The following PDE10A variants were observed in gnomAD, a reference collection of about 807,000 sequenced individuals.
PDE10A encodes the protein phosphodiesterase 10A.
In PDE10A, 39 loss-of-function variants were observed where a neutral mutation model predicts 97.7. The ratio of observed to expected loss-of-function variants is 0.40; its 90% CI spans 0.31 to 0.52. PDE10A has a LOEUF of 0.52. PDE10A is among the 20% of genes least tolerant of loss of function. PDE10A has a pLI of 0.56. For synonymous variants in PDE10A, 371 were observed against 376.8 expected, an observed-to-expected ratio of 0.98 and a Z score of 0.18; for missense variants, 731 against 1,047.8, an observed-to-expected ratio of 0.70 and a Z score of 4.17.
intron 2 of PDE10A, among the ~76,000 whole-genome samples, chr6:165,519,628 G>A (rs1282544118): frequency 6.6e-6 from 1 of 152,238 alleles, no homozygotes; most frequent in East Asian, 1.9e-4. Context: ...CATAGAACAC[G>A]TGTTTGGCTT....
chr6:165,697,507 G>A (rs1453083947), intron 1 of PDE10A, among the ~76,000 whole-genome samples: 1 of 152,182 alleles, frequency 6.6e-6, no homozygotes, highest in Non-Finnish European at 1.5e-5. Flanking sequence ...AGTTTTTCAA[G>A]CTGAAAGGAA....
chr6:165,603,187 C>T (rs961937685), intron 1 of PDE10A, among the ~76,000 whole-genome samples: 20 of 152,270 alleles, frequency 1.3e-4, no homozygotes, highest in African/African-American at 4.6e-4. Flanking sequence ...CATGAGTAAA[C>T]GTACAATAGG....
intron 1 of PDE10A, among the ~76,000 whole-genome samples, chr6:165,944,064 G>T (rs1783678143): frequency 6.6e-6 from 1 of 152,186 alleles, no homozygotes; most frequent in Non-Finnish European, 1.5e-5. Context: ...CCTCAATCAT[G>T]GTGAAAGGGG....
intron 18 of PDE10A, among the ~76,000 whole-genome samples, chr6:165,355,784 A>G (rs1782984214): frequency 6.6e-6 from 1 of 152,024 alleles, no homozygotes; most frequent in Non-Finnish European, 1.5e-5. Flanking sequence ...CAAAATAAAA[A>G]CAAAACAACT....
intron 1 of PDE10A, among the ~76,000 whole-genome samples, chr6:165,804,388 G>A (rs749641603): frequency 6.6e-6 from 1 of 152,172 alleles, no homozygotes; most frequent in Non-Finnish European, 1.5e-5. Context: ...CCACTTTCGA[G>A]CATTCGTTTG....
At chr6:165,473,267 A>T (rs941122700) in intron 3 of PDE10A, among the ~76,000 whole-genome samples, 23 of 152,358 alleles carry the variant, frequency 1.5e-4, no homozygotes, top group African/African-American at 5.5e-4. Flanking sequence ...CACTAGAAAT[A>T]AACATTCCCA....
chr6:165,567,509 ACT>A (rs1199473909), intron 1 of PDE10A, among the ~76,000 whole-genome samples: 1 of 152,190 alleles, frequency 6.6e-6, no homozygotes, highest in Non-Finnish European at 1.5e-5. Flanking sequence ...CTTTATGCAC[ACT>A]GACTCCACTG....
At chr6:165,515,505 C>CAT (rs1244898689) in intron 2 of PDE10A, among the ~76,000 whole-genome samples, 8 of 142,990 alleles carry the variant, frequency 5.6e-5, no homozygotes, top group East Asian at 2.0e-4. Context: ...CACACACACA[C>CAT]ATATATATGC....
In PDE10A at chr6:165,388,756, G is replaced by T. The variant is rs186067638; in HGVS notation, c.2455-303C>A. 9.2e-4 allele frequency among the ~76,000 whole-genome samples: 140 copies of T among 152,224 alleles called. No individual in the cohort carries two copies. The highest frequency in any genetic ancestry group is 3.2e-3 in the African/African-American group (134 of 41,522). On this transcript the variant is annotated intron_variant, in intron 16 of 21. Transcript: ENST00000539869. The surrounding 1 kb of genome is among the most constrained non-coding windows in gnomAD (Gnocchi z 4.0). ...GGAGGTATCAACTTAAAGGTATAAA[G>T]CAAATGTTCCAAAAAAGTACAGATA...
At chr6:165,860,186 G>C (rs1378217593) in intron 1 of PDE10A, among the ~76,000 whole-genome samples, 1 of 152,196 alleles carries the variant, frequency 6.6e-6, no homozygotes, top group Non-Finnish European at 1.5e-5. Flanking sequence ...GGGCGCAGTG[G>C]CTCACGCCTG....
chr6:165,799,141 C>G (rs1329320831), intron 1 of PDE10A, among the ~76,000 whole-genome samples: 1 of 152,228 alleles, frequency 6.6e-6, no homozygotes, highest in Non-Finnish European at 1.5e-5. Flanking sequence ...AGCAACAACA[C>G]TCCAAAGCTG....
chr6:165,921,755 T>C (rs1210830188), intron 1 of PDE10A, among the ~76,000 whole-genome samples: 1 of 152,116 alleles, frequency 6.6e-6, no homozygotes, highest in Non-Finnish European at 1.5e-5. Context: ...AGTGAGCCCA[T>C]GGGAGAATTT....
intron 1 of PDE10A, among the ~76,000 whole-genome samples, chr6:165,598,769 T>C (rs1206553373): frequency 6.6e-6 from 1 of 152,206 alleles, no homozygotes; most frequent in East Asian, 1.9e-4. Flanking sequence ...ATTACTCTTA[T>C]AAATTTTCAA....
At chr6:165,784,708 G>A (rs999854891) in intron 1 of PDE10A, among the ~76,000 whole-genome samples, 2 of 152,174 alleles carry the variant, frequency 1.3e-5, no homozygotes, top group Non-Finnish European at 2.9e-5. Context: ...TGGGTATTGG[G>A]ACAGCCAGAG....
intron 1 of PDE10A, among the ~76,000 whole-genome samples, chr6:165,842,021 G>C (rs1377402038): frequency 5.3e-5 from 8 of 152,136 alleles, no homozygotes; most frequent in Admixed American, 2.0e-4. Context: ...ATACAAAAAA[G>C]GAAAAATACA....
At chr6:165,952,010 A>G (rs1283182689) in intron 1 of PDE10A, among the ~76,000 whole-genome samples, 1 of 152,234 alleles carries the variant, frequency 6.6e-6, no homozygotes, top group Admixed American at 6.5e-5. Flanking sequence ...ACTTTCCAAC[A>G]TGTGCATCTC....
chr6:165,385,368 GA>G (rs1225463336), intron 17 of PDE10A, among the ~76,000 whole-genome samples: 2 of 152,100 alleles, frequency 1.3e-5, no homozygotes, highest in East Asian at 3.9e-4. Context: ...TGCTTGGGCA[GA>G]AGTCCTATTG....
intron 1 of PDE10A, among the ~76,000 whole-genome samples, chr6:165,731,311 G>A (rs1261469111): frequency 6.6e-6 from 1 of 152,182 alleles, no homozygotes; most frequent in Non-Finnish European, 1.5e-5. Context: ...TGGGGAAAGT[G>A]CTATGGAAAA....
At chr6:165,954,674 C>G (rs886132624) in intron 1 of PDE10A, among the ~76,000 whole-genome samples, 1 of 152,072 alleles carries the variant, frequency 6.6e-6, no homozygotes, top group Non-Finnish European at 1.5e-5. Context: ...AGTTGCAAGG[C>G]GGGCACAGCA....
Sources: gnomAD v4.1 joint callset for allele counts (sites outside exome capture counted in the v4.1 genomes callset) on GRCh38, gnomAD v4.1.1 for gene constraint, Gnocchi (gnomAD v3.1) non-coding constraint, MANE v1.5 for transcripts, NCBI Gene and HGNC (gene_info 2026-07-23, HGNC 2026-07-21) for gene names.